USP28: variants seen among roughly 807,000 people sequenced by gnomAD.
USP28 encodes the protein ubiquitin carboxyl-terminal hydrolase 28.
In USP28, 113 loss-of-function variants were observed where a neutral mutation model predicts 145.0. That is an observed-to-expected ratio of 0.78 (90% CI 0.67 to 0.91). The LOEUF (loss-of-function observed/expected upper bound fraction) is 0.91, where lower values mean the gene tolerates loss of function less well. USP28 is among the 40% of genes least tolerant of loss of function. USP28 has a pLI of 0.00. For synonymous variants in USP28, 447 were observed against 450.9 expected (o/e 0.99, Z 0.11); for missense variants, 1,201 against 1,289.6 (o/e 0.93, Z 1.05).
At chr11:113,871,003 A>G (rs969698403) in intron 1 of USP28, among the ~76,000 whole-genome samples, 1 of 152,220 alleles carries the variant, frequency 6.6e-6, no homozygotes, top group African/African-American at 2.4e-5. Flanking sequence ...CAAATTCAAA[A>G]TGTAATATGC....
At chr11:113,863,812 G>A (rs1222917658) in intron 1 of USP28, among the ~76,000 whole-genome samples, 1 of 152,024 alleles carries the variant, frequency 6.6e-6, no homozygotes, top group Non-Finnish European at 1.5e-5. Context: ...GGGCATGGTG[G>A]CCGGCGCCTG....
intron 9 of USP28, among the ~76,000 whole-genome samples, chr11:113,829,643 C>T (rs1435994264): frequency 6.6e-6 from 1 of 152,022 alleles, no homozygotes; most frequent in Non-Finnish European, 1.5e-5. Context: ...CTGGAAAACA[C>T]AGTGACACCC....
At chr11:113,825,625 G>GTACA (rs1393766498) in intron 11 of USP28, among the ~76,000 whole-genome samples, 4 of 152,112 alleles carry the variant, frequency 2.6e-5, no homozygotes, top group African/African-American at 9.7e-5. Flanking sequence ...AATCACTGCA[G>GTACA]TACATATTAC....
chr11:113,854,446 G>A lies in USP28; in HGVS notation c.58-111C>T, dbSNP rs1222896157. The A allele has an allele frequency of 4.0e-6, 4 of 1,008,002 alleles. No homozygotes were observed. In the Admixed American group the frequency reaches 6.7e-5, roughly 17 times the overall value. The allele number at this position is 1,008,002 out of a possible 1,614,324, so 62.4% of individuals were successfully genotyped here. On this transcript the variant is annotated intron_variant, in intron 1 of 24. Coordinates refer to ENST00000003302, the Ensembl canonical transcript of USP28. ...GATAAACAGGCCTGAGGCTTGCCCA[G>A]GCTGGAGTGCAGTGGCCGGATCTCG...
intron 15 of USP28, 128 bp downstream of exon 15, chr11:113,813,757 T>C: frequency 1.3e-6 from 1 of 754,200 alleles, no homozygotes; most frequent in Non-Finnish European, 2.2e-6. Flanking sequence ...AACATCAATT[T>C]ATATCTTAAG....
At chr11:113,831,850 T>C in intron 8 of USP28, 70 bp downstream of exon 8, 4 of 1,481,898 alleles carry the variant, frequency 2.7e-6, no homozygotes, top group South Asian at 2.4e-5. Context: ...GGAGAGTAAC[T>C]TTCCAGCATA....
chr11:113,861,405 C>T (rs1411012123), intron 1 of USP28, among the ~76,000 whole-genome samples: 1 of 152,094 alleles, frequency 6.6e-6, no homozygotes, highest in Non-Finnish European at 1.5e-5. Context: ...AATGTCAGTA[C>T]ATGATGAAAA....
intron 19 of USP28, 39 bp downstream of exon 20, chr11:113,806,450 C>T (rs1302184785): frequency 6.6e-7 from 1 of 1,509,150 alleles, no homozygotes; most frequent in African/African-American, 1.4e-5. Flanking sequence ...TATTATGATG[C>T]CTATATTGTA....
rs1157592045 is a variant in USP28, at chr11:113,813,899, G to C, written c.1729C>G (p.Pro577Ala). The C allele has an allele frequency of 6.2e-7, 1 of 1,612,822 alleles. No homozygotes were observed. Among genetic ancestry groups the C allele is most frequent in the Admixed American group, 1.7e-5 (1 of 59,984 alleles). ...TTTCATTCTACCTGACGAAGGAGAG[G>C]ATCGCAGTACATCTGTTCAATAGTC... Residue 577 changes from proline (P) to alanine (A), a missense_variant, in exon 15 of 25, where the codon CCT (proline) becomes GCT (alanine). Transcript: ENST00000003302.
chr11:113,815,921 G>T (rs910282610), intron 13 of USP28, among the ~76,000 whole-genome samples: 5 of 152,174 alleles, frequency 3.3e-5, no homozygotes, highest in Admixed American at 2.6e-4. Context: ...GTGACACCTT[G>T]GAGAGTTCTG....
intron 4 of USP28, 52 bp downstream of exon 4, chr11:113,841,611 T>C: frequency 1.6e-6 from 2 of 1,224,820 alleles, no homozygotes; most frequent in Non-Finnish European, 1.2e-6. Context: ...AGCTGTTGCC[T>C]TTGAGATACA....
intron 5 of USP28, among the ~76,000 whole-genome samples, chr11:113,840,283 T>C (rs1415583605): frequency 6.6e-6 from 1 of 152,162 alleles, no homozygotes; most frequent in African/African-American, 2.4e-5. Flanking sequence ...AGGCCACCAC[T>C]GTCGCCTACC....
Position 113,873,865 on chromosome 11 carries a change from G to A in USP28, c.57+1580C>T, listed in dbSNP as rs182858933. On this transcript the variant is annotated intron_variant, in intron 1 of 24. Coordinates refer to ENST00000003302, the Ensembl canonical transcript of USP28. ...GAGTTTTAAAAAGCGCATCCAGGCTGGGCGCCCTGGTTCACGCCTGTAATC... is the reference window on the plus strand; with the variant it reads ...GAGTTTTAAAAAGCGCATCCAGGCTAGGCGCCCTGGTTCACGCCTGTAATC... Among the ~76,000 whole-genome samples, 3 of 152,332 alleles carry A rather than the reference G, an allele frequency of 2.0e-5. No individual in the cohort carries two copies. The East Asian group carries it at 5.8e-4, about 29-fold the overall frequency.
intron 1 of USP28, among the ~76,000 whole-genome samples, chr11:113,866,033 C>T (rs952899467): frequency 6.6e-6 from 1 of 152,216 alleles, no homozygotes; most frequent in African/African-American, 2.4e-5. Context: ...CACGGTGGCT[C>T]ATGCCTGTAA....
chr11:113,831,859 T>C lies in USP28; in HGVS notation c.833+61A>G, dbSNP rs1591310414. On this transcript the variant is annotated intron_variant, in intron 8 of 24. Transcript: ENST00000003302. ...AGTTAAGGAGAGTAACTTTCCAGCA[T>C]ATAATTCTCACTGGCCCACTGTGAG... 3.9e-6 allele frequency: 6 copies of C among 1,526,930 alleles called. No individual in the cohort carries two copies. The East Asian group carries it at 9.1e-5, about 23-fold the overall frequency. 94.6% of individuals were successfully genotyped at this position (1,526,930 alleles called of 1,614,324 possible).
At chr11:113,811,037 T>C (rs1940899306) in intron 16 of USP28, among the ~76,000 whole-genome samples, 1 of 152,216 alleles carries the variant, frequency 6.6e-6, no homozygotes, top group African/African-American at 2.4e-5. Context: ...CTTTCTACTA[T>C]CTTACTTATA....
intron 24 of USP28, among the ~76,000 whole-genome samples, chr11:113,800,879 G>A (rs1391546654): frequency 2.1e-5 from 3 of 141,382 alleles, no homozygotes; most frequent in African/African-American, 5.3e-5. Flanking sequence ...GTCTCATTCC[G>A]TGGCCCAGGC....
At chr11:113,800,569 G>T (rs1337573630) in intron 24 of USP28, among the ~76,000 whole-genome samples, 1 of 152,178 alleles carries the variant, frequency 6.6e-6, no homozygotes, top group African/African-American at 2.4e-5. Flanking sequence ...GGGACTACAA[G>T]TGTCAGCCAC....
chr11:113,828,098 C>T (rs1943578760), intron 10 of USP28, among the ~76,000 whole-genome samples: 1 of 152,196 alleles, frequency 6.6e-6, no homozygotes, highest in Non-Finnish European at 1.5e-5. Flanking sequence ...TTCAATTCAC[C>T]TGTATGTCTG....
Sources: gnomAD v4.1 joint callset for allele counts (sites outside exome capture counted in the v4.1 genomes callset) on GRCh38, gnomAD v4.1.1 for gene constraint, MANE v1.5 for transcripts, NCBI Gene and HGNC (gene_info 2026-07-23, HGNC 2026-07-21) for gene names.